Variants in SOHLH2 observed in about 807,000 individuals in gnomAD.
SOHLH2 encodes spermatogenesis- and oogenesis-specific basic helix-loop-helix-containing protein 2.
SOHLH2 carries 22 observed loss-of-function variants against 50.4 expected under a neutral mutation model. The ratio of observed to expected loss-of-function variants is 0.44; its 90% CI spans 0.31 to 0.62. The LOEUF is 0.62. Among genes scored for constraint, SOHLH2 ranks in the 20% least tolerant of loss-of-function variants. The pLI, the probability that SOHLH2 is intolerant of heterozygous loss-of-function variation, is 0.08. For missense variants in SOHLH2, 412 were observed against 504.4 expected (o/e 0.82, Z 1.76); for synonymous variants, 185 against 187.3 (o/e 0.99, Z 0.10).
chr13:36,195,970 GCA>G (rs1471871104), intron 2 of SOHLH2, among the ~76,000 whole-genome samples: 1 of 151,990 alleles, frequency 6.6e-6, no homozygotes, highest in African/African-American at 2.4e-5. Flanking sequence ...GGTAAGAAAG[GCA>G]CTTCCTACAC....
At chr13:36,208,600 T>C (rs1868922670) in intron 1 of SOHLH2, among the ~76,000 whole-genome samples, 1 of 152,216 alleles carries the variant, frequency 6.6e-6, no homozygotes, top group South Asian at 2.1e-4. Flanking sequence ...CTATCTGGAA[T>C]TTTAGTTCCA....
At chr13:36,209,412 A>G (rs56167330) in intron 1 of SOHLH2, among the ~76,000 whole-genome samples, 12 of 152,278 alleles carry the variant, frequency 7.9e-5, no homozygotes, top group Non-Finnish European at 1.3e-4. Context: ...TATAAACAAC[A>G]GAAATTTATT....
chr13:36,208,823 G>T (rs1015821767), intron 1 of SOHLH2, among the ~76,000 whole-genome samples: 2 of 152,116 alleles, frequency 1.3e-5, no homozygotes, highest in Non-Finnish European at 2.9e-5. Flanking sequence ...ACAATTCAGT[G>T]CAAGTTTTAC....
intron 4 of SOHLH2, among the ~76,000 whole-genome samples, chr13:36,192,791 G>A (rs543116398): frequency 1.3e-5 from 2 of 152,046 alleles, no homozygotes; most frequent in African/African-American, 2.4e-5. Flanking sequence ...ATGAGAACAC[G>A]TAAGATCTAC....
intron 2 of SOHLH2, among the ~76,000 whole-genome samples, chr13:36,200,238 T>C (rs915095169): frequency 6.6e-6 from 1 of 152,176 alleles, no homozygotes; most frequent in African/African-American, 2.4e-5. Context: ...GGGAACTCCC[T>C]TTTTTTAAGG....
chr13:36,181,294 T>C (rs1887249176), intron 6 of SOHLH2, among the ~76,000 whole-genome samples: 1 of 152,134 alleles, frequency 6.6e-6, no homozygotes, highest in Admixed American at 6.5e-5. Context: ...TTAGGTTTTG[T>C]TTGTTTTTAT....
rs566957346 is a variant in SOHLH2 at position 36,189,133 on chromosome 13, A to G, written c.641+813T>C. ...TAGTTAATACATCTAGAATTGGCTT[A>G]TTCCTCTCTATCTCATTGCTAACAC... On this transcript the variant is annotated intron_variant, in intron 6 of 10. Coordinates refer to ENST00000379881, the MANE Select transcript of SOHLH2 (RefSeq NM_017826.3). Among the ~76,000 whole-genome samples the G allele has an allele frequency of 2.0e-5, 3 of 152,192 alleles. No homozygotes were observed. The East Asian group carries it at 5.8e-4, about 29-fold the overall frequency.
chr13:36,212,472 A>G (rs1360446017), intron 1 of SOHLH2, among the ~76,000 whole-genome samples: 1 of 152,222 alleles, frequency 6.6e-6, no homozygotes, highest in Non-Finnish European at 1.5e-5. Context: ...GTTGTTGACA[A>G]TGTAATATGA....
intron 9 of SOHLH2, among the ~76,000 whole-genome samples, chr13:36,171,855 T>C (rs747038845): frequency 2.0e-5 from 3 of 152,118 alleles, no homozygotes; most frequent in Non-Finnish European, 4.4e-5. Flanking sequence ...AATATACATA[T>C]GTATGACACA....
chr13:36,212,165 A>T (rs1869166951), intron 1 of SOHLH2, among the ~76,000 whole-genome samples: 1 of 152,156 alleles, frequency 6.6e-6, no homozygotes, highest in Non-Finnish European at 1.5e-5. Context: ...CTGGAAAGGG[A>T]TGAGGAGAAA....
chr13:36,211,396 A>T (rs866010283), intron 1 of SOHLH2, among the ~76,000 whole-genome samples: 35 of 152,226 alleles, frequency 2.3e-4, no homozygotes, highest in African/African-American at 7.0e-4. Context: ...TTGAGCCCTT[A>T]CTATAGGGCA....
intron 6 of SOHLH2, among the ~76,000 whole-genome samples, chr13:36,187,741 A>G (rs1329337975): frequency 2.0e-5 from 3 of 152,280 alleles, no homozygotes; most frequent in African/African-American, 7.2e-5. Context: ...TCCATTTTCC[A>G]TGGAAGAGAC....
intron 6 of SOHLH2, among the ~76,000 whole-genome samples, chr13:36,185,177 A>G (rs1460604717): frequency 6.6e-6 from 1 of 152,114 alleles, no homozygotes; most frequent in Non-Finnish European, 1.5e-5. Flanking sequence ...TTTAAAAAGC[A>G]AAGTATAGAG....
chr13:36,183,229 T>G (rs1887309323), intron 6 of SOHLH2: 1 of 316,964 alleles, frequency 3.2e-6, no homozygotes, highest in African/African-American at 2.1e-5. Flanking sequence ...AAACCTCTTT[T>G]CTTTATAAAT....
At chr13:36,202,729 C>G (rs1423235705) in intron 1 of SOHLH2, among the ~76,000 whole-genome samples, 5 of 152,140 alleles carry the variant, frequency 3.3e-5, no homozygotes, top group Non-Finnish European at 7.3e-5. Context: ...ACTCAACCCA[C>G]TGAAAATGCC....
At chr13:36,212,284 T>C (rs1005894280) in intron 1 of SOHLH2, among the ~76,000 whole-genome samples, 2 of 152,154 alleles carry the variant, frequency 1.3e-5, no homozygotes, top group African/African-American at 4.8e-5. Context: ...AAAGAACTGA[T>C]TTGCTCTTTT....
chr13:36,175,644 TCTG>T (rs757708519), intron 6 of SOHLH2, among the ~76,000 whole-genome samples: 6 of 152,238 alleles, frequency 3.9e-5, no homozygotes, highest in Non-Finnish European at 8.8e-5. Flanking sequence ...GAATGGTGGC[TCTG>T]CTATTACTAA....
intron 9 of SOHLH2, 151 bp from the exon 10 acceptor site, chr13:36,170,938 G>A (rs1479623049): frequency 1.6e-6 from 2 of 1,280,896 alleles, no homozygotes; most frequent in Non-Finnish European, 2.1e-6. Context: ...GAAAAACAAA[G>A]TGAACTTTCT....
chr13:36,201,817 T>TA (rs1566045123), intron 2 of SOHLH2, 62 bp downstream of exon 2: 62 of 1,589,416 alleles, frequency 3.9e-5, no homozygotes, highest in Non-Finnish European at 5.3e-5. Flanking sequence ...TAGGAGTTTT[T>TA]AAAAAATGGG....
Sources: gnomAD v4.1 joint callset for allele counts (sites outside exome capture counted in the v4.1 genomes callset) on GRCh38, gnomAD v4.1.1 for gene constraint, MANE v1.5 for transcripts, NCBI Gene and HGNC (gene_info 2026-07-23, HGNC 2026-07-21) for gene names.